Variants in DRAXIN observed in about 807,000 individuals in gnomAD.
DRAXIN encodes the protein dorsal repulsive axon guidance protein.
DRAXIN carries 27 observed loss-of-function variants against 33.9 expected under a neutral mutation model. The ratio of observed to expected loss-of-function variants is 0.80; its 90% CI spans 0.59 to 1.10. DRAXIN has a LOEUF of 1.10. Among genes scored for constraint, DRAXIN ranks in the 50% least tolerant of loss-of-function variants. The pLI, the probability that DRAXIN is intolerant of heterozygous loss-of-function variation, is 0.00. For synonymous variants in DRAXIN, 178 were observed against 194.0 expected, an observed-to-expected ratio of 0.92 and a Z score of 0.69; for missense variants, 371 against 460.8, an observed-to-expected ratio of 0.81 and a Z score of 1.78.
In DRAXIN at chr1:11,719,926, C is replaced by T. The variant is rs551741223; in HGVS notation, c.*230C>T. Reference sequence around the variant, plus strand: ...AAGTCCGGACCCACGCAGCCTCCATCCCGCGTGTCTTGCTCTCCGCGATGG... The same window carrying T: ...AAGTCCGGACCCACGCAGCCTCCATTCCGCGTGTCTTGCTCTCCGCGATGG... On this transcript the variant is annotated 3_prime_UTR_variant, in exon 7 of 7. Coordinates refer to ENST00000294485, the MANE Select transcript of DRAXIN (RefSeq NM_198545.4). 1 of 522,620 alleles carries T rather than the reference C, an allele frequency of 1.9e-6. No homozygotes were observed. The highest frequency in any genetic ancestry group is 3.1e-5 in the East Asian group (1 of 31,882). 32.4% of individuals were successfully genotyped at this position (522,620 alleles called of 1,614,324 possible). A position where few individuals can be genotyped will look rare whatever the true frequency, so the allele number is the denominator to read the frequency against.
At chr1:11,698,925 C>A (rs1641231495) in intron 1 of DRAXIN, among the ~76,000 whole-genome samples, 1 of 152,188 alleles carries the variant, frequency 6.6e-6, no homozygotes, top group Non-Finnish European at 1.5e-5. Context: ...ATGATTCCTG[C>A]ATTCAACAAA....
At chr1:11,691,449 G>A (rs934848371), upstream of DRAXIN, 1 of 152,380 alleles carries the variant, frequency 6.6e-6, no homozygotes, top group South Asian at 2.1e-4. Context: ...GTGCCCGCAC[G>A]GCTGCTGGGC....
At chr1:11,700,216 C>A (rs1305286959) in intron 1 of DRAXIN, among the ~76,000 whole-genome samples, 2 of 152,148 alleles carry the variant, frequency 1.3e-5, no homozygotes, top group East Asian at 3.9e-4. Flanking sequence ...GGTGACACAG[C>A]GAGACTCTGT....
chr1:11,713,743 A>G (rs1037317017), intron 5 of DRAXIN, among the ~76,000 whole-genome samples: 1 of 152,178 alleles, frequency 6.6e-6, no homozygotes, highest in African/African-American at 2.4e-5. Flanking sequence ...AATAATTTAA[A>G]AAAATAACCA....
Position 11,709,451 on chromosome 1 carries a change from T to A in DRAXIN, c.628T>A (p.Ser210Thr), listed in dbSNP as rs919449710. Residue 210 changes from serine to threonine, a missense_variant, in exon 3 of 7, where the codon TCC (serine) becomes ACC (threonine). Coordinates refer to ENST00000294485, the MANE Select transcript of DRAXIN (RefSeq NM_198545.4). Reference protein sequence around the residue: ...TEESLILPVTSLRPQQAQPRS... With the variant: ...TEESLILPVTTLRPQQAQPRS... ...AGAGTCCCTGATCCTGCCCGTCACCTCCCTGCGGCCCCAGGTAAGGGGTCC... is the reference window on the plus strand; with the variant it reads ...AGAGTCCCTGATCCTGCCCGTCACCACCCTGCGGCCCCAGGTAAGGGGTCC... The A allele has an allele frequency of 4.3e-6, 7 of 1,613,266 alleles. No homozygotes were observed. Among genetic ancestry groups the A allele is most frequent in the Non-Finnish European group, 5.9e-6 (7 of 1,179,666 alleles).
chr1:11,687,871 G>C (rs1321110483), upstream of DRAXIN, among the ~76,000 whole-genome samples: 1 of 152,146 alleles, frequency 6.6e-6, no homozygotes, highest in Non-Finnish European at 1.5e-5. The surrounding 1 kb of genome is among the most constrained non-coding windows in gnomAD (Gnocchi z 4.1). Flanking sequence ...GTCATCAGTT[G>C]ATGAATATTG....
In DRAXIN at chr1:11,696,747, G is replaced by T. The variant is rs375605755; in HGVS notation, c.-11+4894G>T. ...GTGCACCTGTAGTCCCAGCTACTCG[G>T]GAGGCTGAGGCAGAAGAATTGCTTG... is the stretch of plus-strand genomic sequence containing the variant. On this transcript the variant is annotated intron_variant, in intron 1 of 6. Coordinates refer to ENST00000294485, the MANE Select transcript of DRAXIN (RefSeq NM_198545.4). This position sits in a 1 kb window ranked among gnomAD's most constrained non-coding sequence, Gnocchi z 4.7. 2.6e-5 allele frequency among the ~76,000 whole-genome samples: 4 copies of T among 152,122 alleles called. No individual in the cohort carries two copies. The highest frequency in any genetic ancestry group is 5.9e-5 in the Non-Finnish European group (4 of 67,990).
Position 11,692,594 on chromosome 1 carries a change from G to A in DRAXIN, c.-11+741G>A, listed in dbSNP as rs1641095858. Among the ~76,000 whole-genome samples, 1 of 152,224 alleles carries A rather than the reference G, an allele frequency of 6.6e-6. No individual in the cohort carries two copies. Among genetic ancestry groups the A allele is most frequent in the Non-Finnish European group, 1.5e-5 (1 of 68,044 alleles). On this transcript the variant is annotated intron_variant, in intron 1 of 6. Coordinates refer to ENST00000294485, the MANE Select transcript of DRAXIN (RefSeq NM_198545.4). This position sits in a 1 kb window ranked among gnomAD's most constrained non-coding sequence, Gnocchi z 5.8. ...AAGGGTCTCAGCCGCCTTCGGGGCCGGGGTATGAGATGAGAGAGGGCTGGG... is the reference window on the plus strand; with the variant it reads ...AAGGGTCTCAGCCGCCTTCGGGGCCAGGGTATGAGATGAGAGAGGGCTGGG...
intron 6 of DRAXIN, among the ~76,000 whole-genome samples, chr1:11,715,505 T>G (rs1331066637): frequency 6.6e-6 from 1 of 152,012 alleles, no homozygotes; most frequent in Non-Finnish European, 1.5e-5. Flanking sequence ...TCCCACTATC[T>G]GGAAGAGGGA....
chr1:11,689,852 A>G (rs1641030179), upstream of DRAXIN, among the ~76,000 whole-genome samples: 1 of 151,826 alleles, frequency 6.6e-6, no homozygotes, highest in South Asian at 2.1e-4. Flanking sequence ...CTGTAACAAC[A>G]TGGTCCTATC....
At chr1:11,690,948 T>TTG (rs796427144), upstream of DRAXIN, among the ~76,000 whole-genome samples, 259 of 144,844 alleles carry the variant, frequency 1.8e-3, 4 homozygotes, top group East Asian at 0.023. This position sits in a 1 kb window ranked among gnomAD's most constrained non-coding sequence, Gnocchi z 4.2. Context: ...GTGTGTGTGT[T>TTG]TGTGTGTGTG....
Position 11,696,694 on chromosome 1 carries a change from A to G in DRAXIN, c.-11+4841A>G, listed in dbSNP as rs1641197504. 6.6e-6 allele frequency among the ~76,000 whole-genome samples: 1 copy of G among 151,998 alleles called. No individual in the cohort carries two copies. Among genetic ancestry groups the G allele is most frequent in the African/African-American group, 2.4e-5 (1 of 41,360 alleles). On this transcript the variant is annotated intron_variant, in intron 1 of 6. Coordinates refer to ENST00000294485, the MANE Select transcript of DRAXIN (RefSeq NM_198545.4). The surrounding 1 kb of genome is among the most constrained non-coding windows in gnomAD (Gnocchi z 4.7). ...ACGGTGAAACTCTGTCTGTACTAAA[A>G]ATGCAAAAATTAGCCGGGCGTGGTG...
At chr1:11,691,378 G>C (rs2100724958), upstream of DRAXIN, 1 of 151,170 alleles carries the variant, frequency 6.6e-6, no homozygotes, top group East Asian at 2.0e-4. Context: ...CCCGTCCCAC[G>C]CGCCCTGGGC....
At chr1:11,700,842 A>G (rs1641262411) in intron 1 of DRAXIN, among the ~76,000 whole-genome samples, 1 of 152,146 alleles carries the variant, frequency 6.6e-6, no homozygotes, top group South Asian at 2.1e-4. Flanking sequence ...CCACTATGCA[A>G]CAGGAAGGCC....
intron 1 of DRAXIN, among the ~76,000 whole-genome samples, chr1:11,699,674 C>G (rs1641241864): frequency 6.6e-6 from 1 of 152,122 alleles, no homozygotes; most frequent in African/African-American, 2.4e-5. Flanking sequence ...CACCTGTAAT[C>G]CCAGCACTTT....
Position 11,725,130 on chromosome 1 carries a change from A to T in DRAXIN, c.*5434A>T, listed in dbSNP as rs1641721729. On this transcript the variant is annotated 3_prime_UTR_variant, in exon 7 of 7. Transcript: ENST00000294485. ...GAAATGCAGAATCTTAGCCTAGGCA[A>T]CATAGGGAGACCTCATCTCTGCAAA... 1 of 152,202 alleles carries T rather than the reference A, an allele frequency of 6.6e-6. No homozygotes were observed. Among genetic ancestry groups the T allele is most frequent in the Admixed American group, 6.5e-5 (1 of 15,272 alleles). 9.4% of individuals were successfully genotyped at this position (152,202 alleles called of 1,614,324 possible). A position where few individuals can be genotyped will look rare whatever the true frequency, so the allele number is the denominator to read the frequency against.
chr1:11,715,942 T>G (rs1224858772), intron 6 of DRAXIN, among the ~76,000 whole-genome samples: 1 of 152,220 alleles, frequency 6.6e-6, no homozygotes, highest in African/African-American at 2.4e-5. Flanking sequence ...CAGTTTTGGC[T>G]CACTGCAACC....
At chr1:11,690,967 G>A (rs1419587374), upstream of DRAXIN, among the ~76,000 whole-genome samples, 2 of 152,054 alleles carry the variant, frequency 1.3e-5, no homozygotes, top group Non-Finnish European at 1.5e-5. This position sits in a 1 kb window ranked among gnomAD's most constrained non-coding sequence, Gnocchi z 4.2. Context: ...TGTGTATTGG[G>A]GCGGTTGTCT....
At position 11,711,802 on chromosome 1, in the gene DRAXIN, C is replaced by T. The variant is rs1268345674; in HGVS notation, c.643-49C>T. ...CTGACCTTGGGACTCCACACTCCTG[C>T]TTCCATGGATTTGAAGGTTCCAACA... is the stretch of plus-strand genomic sequence containing the variant. On this transcript the variant is annotated intron_variant, in intron 3 of 6. Transcript: ENST00000294485. 2.6e-6 allele frequency: 4 copies of T among 1,544,328 alleles called. No individual in the cohort carries two copies. The Admixed American group carries it at 5.5e-5, about 21-fold the overall frequency.
Sources: allele counts gnomAD v4.1 joint callset (sites outside exome capture counted in the v4.1 genomes callset), GRCh38; gene constraint gnomAD v4.1.1; non-coding constraint Gnocchi (gnomAD v3.1); transcripts MANE v1.5; gene names NCBI Gene and HGNC (gene_info 2026-07-23, HGNC 2026-07-21).